Variants in MBD4 observed in about 807,000 individuals in gnomAD.
The protein encoded by MBD4 is methyl-CpG-binding domain protein 4.
In MBD4, 53 loss-of-function variants were observed where a neutral mutation model predicts 60.2. The observed-to-expected ratio is 0.88, with a 90% CI of 0.71 to 1.11. The LOEUF is 1.11. Ranked by LOEUF, MBD4 falls within the 50% of genes least tolerant of loss-of-function variation. The pLI is 0.00. For synonymous variants in MBD4, 231 were observed against 229.8 expected, an observed-to-expected ratio of 1.01 and a Z score of -0.05; for missense variants, 619 against 674.0, an observed-to-expected ratio of 0.92 and a Z score of 0.90.
At chr3:129,433,576 C>T (rs147899413) in intron 5 of MBD4, 217 of 581,374 alleles carry the variant, frequency 3.7e-4, no homozygotes, top group African/African-American at 3.4e-3. Flanking sequence ...TTTAAACACA[C>T]ATGAAAGAGG....
At chr3:129,433,354 A>G in intron 5 of MBD4, 107 bp from the exon 6 acceptor site, 2 of 1,177,720 alleles carry the variant, frequency 1.7e-6, no homozygotes, top group Non-Finnish European at 2.4e-6. Flanking sequence ...TTTTTTAAAG[A>G]AAACAAAAAA....
At chr3:129,433,029 G>A in intron 6 of MBD4, 69 bp downstream of exon 6, 1 of 1,573,952 alleles carries the variant, frequency 6.4e-7, no homozygotes, top group Non-Finnish European at 8.7e-7. Flanking sequence ...GAACATTAAA[G>A]TTTAAGGTGT....
chr3:129,432,183 G>A, intron 7 of MBD4: 1 of 1,379,326 alleles, frequency 7.2e-7, no homozygotes, highest in Admixed American at 3.0e-5. Context: ...TTCCTGTAGT[G>A]GTGTACTTTT....
intron 3 of MBD4, among the ~76,000 whole-genome samples, chr3:129,435,572 T>A (rs2072443066): frequency 6.6e-6 from 1 of 152,184 alleles, no homozygotes; most frequent in Non-Finnish European, 1.5e-5. Context: ...CCATCTTGTG[T>A]TAAAGGCAGA....
intron 7 of MBD4, 57 bp from the exon 8 acceptor site, chr3:129,431,635 C>T (rs1339698477): frequency 2.3e-6 from 3 of 1,304,374 alleles, no homozygotes; most frequent in Non-Finnish European, 3.3e-6. Flanking sequence ...GTCAGAAATA[C>T]ATTTTTTAAA....
Position 129,436,678 on chromosome 3 carries a change from A to C in MBD4, c.966T>G (p.Asn322Lys). 1 of 1,614,062 alleles carries C rather than the reference A, an allele frequency of 6.2e-7. No homozygotes were observed. The highest frequency in any genetic ancestry group is 8.5e-7 in the Non-Finnish European group (1 of 1,180,014). The change falls in exon 3 of 8, where the codon AAT (asparagine) becomes AAG (lysine). Residue 322 changes from asparagine to lysine, a missense_variant. Asn to Lys is a moderately conservative substitution (Grantham distance 94). Transcript: ENST00000429544. ...KKERSLSSGS[N>K]FCSEQKTSGI... ...CAGAAGTTTTTTGTTCAGAACAAAA[A>C]TTTGATCCTGAACTCAATGATCTTT...
In MBD4 at chr3:129,433,247, C is replaced by G. The variant is rs752488342; in HGVS notation, c.1394G>C (p.Gly465Ala). Residue 465 changes from glycine to alanine, a missense_variant and splice_region_variant, in exon 6 of 8, where the codon GGC (glycine) becomes GCC (alanine). Physicochemically the swap from Gly to Ala is moderately conservative, Grantham distance 60. Coordinates refer to ENST00000429544, the MANE Select transcript of MBD4 (RefSeq NM_001276270.2). ...IATIFLNRTS[G>A]KMAIPVLWKF... ...CCAAAGCACAGGTATTGCCATTTTG[C>G]CTGGGAAGTAAAAGTAACTGAATGA... The G allele has an allele frequency of 1.2e-6, 2 of 1,614,068 alleles. No homozygotes were observed. Among genetic ancestry groups the G allele is most frequent in the Admixed American group, 3.3e-5 (2 of 60,024 alleles).
In MBD4 at chr3:129,436,660, T is replaced by C. The variant is rs1308739262; in HGVS notation, c.984A>G (p.Lys328=). ...SSGSNFCSEQ[K]TSGIINKFCS... ...AAAATTTGTTTATGATGCCAGAAGTTTTTTGTTCAGAACAAAAATTTGATC... is the reference window on the plus strand; with the variant it reads ...AAAATTTGTTTATGATGCCAGAAGTCTTTTGTTCAGAACAAAAATTTGATC... Residue 328 remains lysine (K), a synonymous_variant, in exon 3 of 8, where the codon AAA becomes AAG. Transcript: ENST00000429544. 6.2e-7 allele frequency: 1 copy of C among 1,614,220 alleles called. No individual in the cohort carries two copies. The highest frequency in any genetic ancestry group is 1.7e-5 in the Admixed American group (1 of 60,032).
At chr3:129,432,358 TG>T in intron 7 of MBD4, 144 bp downstream of exon 7, 1 of 1,544,422 alleles carries the variant, frequency 6.5e-7, no homozygotes, top group Admixed American at 1.9e-5. Flanking sequence ...AAAACCCACA[TG>T]CCACCCGCTT....
chr3:129,433,087 T>C lies in MBD4; in HGVS notation c.1543+11A>G, dbSNP rs753755351. The C allele has an allele frequency of 3.1e-5, 50 of 1,613,976 alleles. No individual in the cohort carries two copies. Among genetic ancestry groups the C allele is most frequent in the East Asian group, 1.6e-4 (7 of 44,888 alleles). On this transcript the variant is annotated intron_variant, in intron 6 of 7. Coordinates refer to ENST00000429544, the MANE Select transcript of MBD4 (RefSeq NM_001276270.2). ...GTATTATGTTTTTCCTTTGGGTGTA[T>C]AGGAAAATACCTGAGAACTTGACAA...
chr3:129,436,327 G>T, intron 3 of MBD4, 134 bp downstream of exon 3: 2 of 970,198 alleles, frequency 2.1e-6, no homozygotes, highest in Non-Finnish European at 1.6e-6. Flanking sequence ...CTCATATTTG[G>T]CCCTATTTCT....
chr3:129,439,857 C>G lies in MBD4; in HGVS notation c.-24G>C, dbSNP rs754215295. ...ATCGAGCAGGGTCCGGCTGCAGCAA[C>G]GAGCCCAGCGCCGCAACGCCCAGGG... On this transcript the variant is annotated 5_prime_UTR_variant, in exon 1 of 8. Coordinates refer to ENST00000429544, the MANE Select transcript of MBD4 (RefSeq NM_001276270.2). 6.6e-7 allele frequency: 1 copy of G among 1,524,914 alleles called. No homozygotes were observed. Among genetic ancestry groups the G allele is most frequent in the Non-Finnish European group, 9.1e-7 (1 of 1,101,068 alleles). 94.5% of individuals were successfully genotyped at this position (1,524,914 alleles called of 1,614,324 possible).
In MBD4 at chr3:129,434,121, C is replaced by T. The variant is rs1197925005; in HGVS notation, c.1199G>A (p.Arg400Gln). Reference protein sequence around the residue: ...RKDFTEDTIPRTQIERRKTSL... With the variant: ...RKDFTEDTIPQTQIERRKTSL... Reference sequence around the variant, plus strand: ...TGTTTTCCTTCTTTCTATCTGTGTTCGTGGGATGGTATCTTCTGAAAAGGA... The same window carrying T: ...TGTTTTCCTTCTTTCTATCTGTGTTTGTGGGATGGTATCTTCTGAAAAGGA... The change falls in exon 4 of 8, where the codon CGA (arginine) becomes CAA (glutamine). Residue 400 changes from arginine to glutamine, a missense_variant. Coordinates refer to ENST00000429544, the MANE Select transcript of MBD4 (RefSeq NM_001276270.2). 15 of 1,613,630 alleles carry T rather than the reference C, an allele frequency of 9.3e-6. No individual in the cohort carries two copies. The highest frequency in any genetic ancestry group is 1.3e-5 in the African/African-American group (1 of 74,860).
At chr3:129,438,795 G>A (rs754451883) in intron 1 of MBD4, among the ~76,000 whole-genome samples, 2 of 151,848 alleles carry the variant, frequency 1.3e-5, no homozygotes, top group Non-Finnish European at 2.9e-5. Flanking sequence ...GCAACCGGGC[G>A]TGGTGGAGCA....
chr3:129,436,899 CTTTT>C lies in MBD4; in HGVS notation c.741_744del (p.Lys248AspfsTer54). On this transcript the variant is annotated frameshift_variant, in exon 3 of 8. Transcript: ENST00000429544. LOFTEE classifies it high-confidence loss of function. ...AAACCTGAACAGCTCTTCCTACATC[CTTTT>C]TTAGTTTTCTTAATTGGGATTCCTT... is the stretch of plus-strand genomic sequence containing the variant. The C allele has an allele frequency of 6.2e-7, 1 of 1,614,136 alleles. No homozygotes were observed. Among genetic ancestry groups the C allele is most frequent in the Non-Finnish European group, 8.5e-7 (1 of 1,180,030 alleles).
Position 129,431,329 on chromosome 3 carries a change from C to A in MBD4, c.*172G>T. 1 of 633,824 alleles carries A rather than the reference C, an allele frequency of 1.6e-6. No individual in the cohort carries two copies. The highest frequency in any genetic ancestry group is 2.8e-6 in the Non-Finnish European group (1 of 353,964). The allele number at this position is 633,824 out of a possible 1,614,324, so 39.3% of individuals were successfully genotyped here. A position where few individuals can be genotyped will look rare whatever the true frequency, so the allele number is the denominator to read the frequency against. On this transcript the variant is annotated 3_prime_UTR_variant, in exon 8 of 8. Transcript: ENST00000429544. ...AAAAATCTCAAAACATGTTCAAACA[C>A]ATTCAGTAGCAAAGATCCACCATTG...
In MBD4 at chr3:129,431,481, G is replaced by A; in HGVS notation, c.*20C>T. The A allele has an allele frequency of 6.3e-7, 1 of 1,596,826 alleles. No homozygotes were observed. Among genetic ancestry groups the A allele is most frequent in the Non-Finnish European group, 8.6e-7 (1 of 1,165,212 alleles). ...AAGTGCAAAGCTATGCATAACAGAT[G>A]AGCTTGAAAGCTGCAGAGTTTAAGA... is the stretch of plus-strand genomic sequence containing the variant. On this transcript the variant is annotated 3_prime_UTR_variant, in exon 8 of 8. Coordinates refer to ENST00000429544, the MANE Select transcript of MBD4 (RefSeq NM_001276270.2).
At chr3:129,434,551 T>G (rs1271831115) in intron 3 of MBD4, among the ~76,000 whole-genome samples, 1 of 152,354 alleles carries the variant, frequency 6.6e-6, no homozygotes, top group East Asian at 1.9e-4. Flanking sequence ...ATGTGGTCAT[T>G]AAAGTATTTT....
In MBD4 at chr3:129,437,028, T is replaced by TA. The variant is rs769552413; in HGVS notation, c.615dup (p.Asn206Ter). 19 of 1,614,102 alleles carry TA rather than the reference T, an allele frequency of 1.2e-5. No homozygotes were observed. Among genetic ancestry groups the TA allele is most frequent in the Non-Finnish European group, 1.6e-5 (19 of 1,180,042 alleles). On this transcript the variant is annotated frameshift_variant, in exon 3 of 8. Transcript: ENST00000429544. LOFTEE classifies it high-confidence loss of function. Reference sequence around the variant, plus strand: ...AAAAGCAAATGAGTGGAAGTAAAGTTAGAGAGTCCTCTGCTCTCCTGCAAC... The same window carrying TA: ...AAAAGCAAATGAGTGGAAGTAAAGTTAAGAGAGTCCTCTGCTCTCCTGCAAC...
Sources: allele counts gnomAD v4.1 joint callset (sites outside exome capture counted in the v4.1 genomes callset), GRCh38; gene constraint gnomAD v4.1.1; transcripts MANE v1.5; gene names NCBI Gene and HGNC (gene_info 2026-07-23, HGNC 2026-07-21).